The following GYPE variants were observed in gnomAD, a reference collection of about 807,000 sequenced individuals.
GYPE encodes glycophorin E (MNS blood group), also known as glycophorin-E.
A neutral mutation model predicts 11.6 loss-of-function variants in GYPE; 8 were observed. The ratio of observed to expected loss-of-function variants is 0.69; its 90% CI spans 0.41 to 1.25. The LOEUF is 1.25. Ranked by LOEUF, GYPE falls within the 50% of genes most tolerant of loss-of-function variation. The pLI is 0.01. For synonymous variants in GYPE, 28 were observed against 29.6 expected (o/e 0.94, Z 0.18); for missense variants, 90 against 92.8 (o/e 0.97, Z 0.12).
chr4:143,902,830 A>G (rs528299029), intron 1 of GYPE, among the ~76,000 whole-genome samples: 1 of 152,250 alleles, frequency 6.6e-6, no homozygotes, highest in South Asian at 2.1e-4. Context: ...ATTTTGTATG[A>G]ATTTTTAAGT....
At position 143,870,956 on chromosome 4, in the gene GYPE, C is replaced by CGGGG. The variant is rs1743600720; in HGVS notation, c.*1305_*1306insCCCC. The CGGGG allele has an allele frequency of 6.6e-6, 1 of 151,934 alleles. No individual in the cohort carries two copies. Among genetic ancestry groups the CGGGG allele is most frequent in the East Asian group, 1.9e-4 (1 of 5,176 alleles). The allele number at this position is 151,934 out of a possible 1,614,324, so 9.4% of individuals were successfully genotyped here. On this transcript the variant is annotated 3_prime_UTR_variant, in exon 4 of 4. Coordinates refer to ENST00000358615, the MANE Select transcript of GYPE (RefSeq NM_198682.3). ...CTTACAATCATGACCAAAGGGGAAA[C>CGGGG]AAACACATCTTTCTTACATAGTGGC...
chr4:143,899,546 G>A (rs1244272461), intron 1 of GYPE, among the ~76,000 whole-genome samples: 1 of 152,100 alleles, frequency 6.6e-6, no homozygotes, highest in African/African-American at 2.4e-5. Flanking sequence ...AAAGTTCAGT[G>A]AATCACACTT....
chr4:143,877,791 A>G (rs569137881), intron 2 of GYPE, among the ~76,000 whole-genome samples: 2,458 of 148,652 alleles, frequency 0.017, 80 homozygotes, highest in African/African-American at 0.059. Flanking sequence ...AGGGAGGGTT[A>G]GAATGCAGAA....
intron 1 of GYPE, among the ~76,000 whole-genome samples, chr4:143,895,451 G>A (rs1371020478): frequency 1.3e-5 from 2 of 150,676 alleles, no homozygotes; most frequent in African/African-American, 4.9e-5. Flanking sequence ...ACTTACAAGG[G>A]ATGTTAAGGA....
intron 1 of GYPE, among the ~76,000 whole-genome samples, chr4:143,895,855 C>T (rs1744608807): frequency 6.6e-6 from 1 of 152,120 alleles, no homozygotes; most frequent in African/African-American, 2.4e-5. Flanking sequence ...TAACGCCGCA[C>T]ATCTACAACT....
intron 1 of GYPE, among the ~76,000 whole-genome samples, chr4:143,900,314 G>T (rs1744812163): frequency 7.8e-6 from 1 of 128,114 alleles, no homozygotes; most frequent in Non-Finnish European, 1.7e-5. Flanking sequence ...CAAGATTGTG[G>T]AGAAATTGGC....
chr4:143,898,205 C>T (rs187355437), intron 1 of GYPE, among the ~76,000 whole-genome samples: 44 of 152,172 alleles, frequency 2.9e-4, no homozygotes, highest in African/African-American at 1.0e-3. Context: ...TGTGAAACCC[C>T]GTCTCTACTA....
chr4:143,873,463 C>T (rs66570349), intron 3 of GYPE: 111,894 of 453,726 alleles, frequency 0.25, 14,642 homozygotes, highest in East Asian at 0.36. Flanking sequence ...AATTATGTTA[C>T]CAATAACACA....
chr4:143,878,625 A>G, intron 2 of GYPE: 1 of 474,132 alleles, frequency 2.1e-6, no homozygotes, highest in Non-Finnish European at 4.4e-6. Context: ...ATTCTTTGTC[A>G]AATATTAACA....
chr4:143,873,689 A>T (rs1743693295), intron 3 of GYPE, among the ~76,000 whole-genome samples: 1 of 152,176 alleles, frequency 6.6e-6, no homozygotes, highest in African/African-American at 2.4e-5. Flanking sequence ...AACTCTAGTC[A>T]TAAAATTTGG....
intron 1 of GYPE, among the ~76,000 whole-genome samples, chr4:143,891,466 C>A (rs1330759271): frequency 1.3e-5 from 2 of 151,106 alleles, no homozygotes; most frequent in African/African-American, 4.9e-5. Flanking sequence ...GTAGCTGGGA[C>A]TACAGGTGCC....
Position 143,876,858 on chromosome 4 carries a change from A to G in GYPE, c.137-3T>C, listed in dbSNP as rs1194661354. 1.3e-6 allele frequency: 2 copies of G among 1,576,078 alleles called. No individual in the cohort carries two copies. Among genetic ancestry groups the G allele is most frequent in the African/African-American group, 1.3e-5 (1 of 74,200 alleles). ...CCACCAATTAATGAGTGTTATCCCT[A>G]CAGGAGATAAAGAGAGCGGCAAAAT... is the stretch of plus-strand genomic sequence containing the variant. On this transcript the variant is annotated splice_polypyrimidine_tract_variant and splice_region_variant and intron_variant, in intron 2 of 3. Transcript: ENST00000358615.
At chr4:143,875,576 G>C (rs1020096595) in intron 3 of GYPE, 2 of 1,549,310 alleles carry the variant, frequency 1.3e-6, no homozygotes, top group African/African-American at 1.4e-5. Context: ...CTCCACTTCA[G>C]CCTCTGATTG....
At chr4:143,891,873 C>T (rs2149911869) in intron 1 of GYPE, among the ~76,000 whole-genome samples, 1 of 152,246 alleles carries the variant, frequency 6.6e-6, no homozygotes, top group East Asian at 1.9e-4. Flanking sequence ...TGGGTTGTCA[C>T]TGGCACTAAA....
intron 1 of GYPE, among the ~76,000 whole-genome samples, chr4:143,901,946 A>T (rs13148490): frequency 0.94 from 142,547 of 151,996 alleles, 67,585 homozygotes; most frequent in East Asian, 1. Flanking sequence ...TTTCACACCA[A>T]GCTAAAGATA....
chr4:143,876,209 G>A (rs944156458), intron 3 of GYPE, among the ~76,000 whole-genome samples: 8 of 151,938 alleles, frequency 5.3e-5, no homozygotes, highest in African/African-American at 1.9e-4. Flanking sequence ...TATTTCCCAG[G>A]CTGAAGCAAT....
Position 143,893,309 on chromosome 4 carries a change from C to A in GYPE, c.37+12162G>T, listed in dbSNP as rs549705498. ...TTAATTGGAGCATTTAGTCCATTTA[C>A]ATTTAAAGTTAATATTGTTATGTGT... On this transcript the variant is annotated intron_variant, in intron 1 of 3. Transcript: ENST00000358615. Among the ~76,000 whole-genome samples the A allele has an allele frequency of 4.3e-5, 6 of 138,366 alleles. No homozygotes were observed. The East Asian group carries it at 1.3e-3, about 29-fold the overall frequency. 90.8% of individuals were successfully genotyped at this position (138,366 alleles called of 152,430 possible). A position where few individuals can be genotyped will look rare whatever the true frequency, so the allele number is the denominator to read the frequency against.
At chr4:143,887,969 G>A (rs1744270801) in intron 1 of GYPE, among the ~76,000 whole-genome samples, 1 of 81,766 alleles carries the variant, frequency 1.2e-5, no homozygotes, top group Non-Finnish European at 2.6e-5. Flanking sequence ...ATTTGCGTTT[G>A]GATCATCTCA....
At chr4:143,902,473 T>A (rs900931908) in intron 1 of GYPE, among the ~76,000 whole-genome samples, 1 of 152,082 alleles carries the variant, frequency 6.6e-6, no homozygotes, top group Non-Finnish European at 1.5e-5. Context: ...TCACTGTGTC[T>A]AACCAGATGA....
Sources: gnomAD v4.1 joint callset for allele counts (sites outside exome capture counted in the v4.1 genomes callset) on GRCh38, gnomAD v4.1.1 for gene constraint, MANE v1.5 for transcripts, NCBI Gene and HGNC (gene_info 2026-07-23, HGNC 2026-07-21) for gene names.